Variants in WDR19 observed in about 807,000 individuals in gnomAD.
The protein encoded by WDR19 is WD repeat-containing protein 19.
WDR19 carries 121 observed loss-of-function variants against 180.0 expected under a neutral mutation model. That is an observed-to-expected ratio of 0.67 (90% CI 0.58 to 0.78). The LOEUF (loss-of-function observed/expected upper bound fraction) is 0.78. Ranked by LOEUF, WDR19 falls within the 30% of genes least tolerant of loss-of-function variation. The probability of loss-of-function intolerance (pLI) is 0.00; values close to 1 mark genes in which losing one functional copy is unlikely to be tolerated. For missense variants in WDR19, 1,450 were observed against 1,640.7 expected, an observed-to-expected ratio of 0.88 and a Z score of 2.01; for synonymous variants, 497 against 540.7, an observed-to-expected ratio of 0.92 and a Z score of 1.12.
chr4:39,257,524 TA>T lies in WDR19; in HGVS notation c.3155del (p.Asn1052MetfsTer4). 1 of 1,590,820 alleles carries T rather than the reference TA, an allele frequency of 6.3e-7. No individual in the cohort carries two copies. The highest frequency in any genetic ancestry group is 1.8e-5 in the Admixed American group (1 of 56,996). ...TCCTGAAATGCCCAAGCTCGGAAGA[TA>T]ATGTGGCAATAGAAATGGCAATTGA... is the stretch of plus-strand genomic sequence containing the variant. ...HFLKCPSSED[N>X]VAIEMAIETV... On this transcript the variant is annotated frameshift_variant, in exon 28 of 37. Coordinates refer to ENST00000399820, the MANE Select transcript of WDR19 (RefSeq NM_025132.4). LOFTEE classifies it high-confidence loss of function.
At chr4:39,234,743 T>C (rs1318296396) in intron 19 of WDR19, 23 bp from the exon 20 acceptor site, 2 of 1,507,804 alleles carry the variant, frequency 1.3e-6, no homozygotes, top group Admixed American at 3.9e-5. Flanking sequence ...CATTTGAAAT[T>C]AAGGTCTTTC....
At chr4:39,281,236 T>TATATATATATAGAGAGAGAGAG (rs762298152) in intron 36 of WDR19, among the ~76,000 whole-genome samples, 12 of 104,026 alleles carry the variant, frequency 1.2e-4, no homozygotes, top group Non-Finnish European at 1.8e-4. Context: ...TATATATATA[T>TATATATATATAGAGAGAGAGAG]AGAGAGAGAG....
intron 36 of WDR19, among the ~76,000 whole-genome samples, chr4:39,282,758 A>G (rs966536494): frequency 6.6e-6 from 1 of 152,196 alleles, no homozygotes; most frequent in African/African-American, 2.4e-5. Flanking sequence ...TTTCTAAATA[A>G]TTTGGGGAGA....
intron 1 of WDR19, 25 bp downstream of exon 1, chr4:39,182,588 G>A: frequency 6.2e-7 from 1 of 1,613,630 alleles, no homozygotes; most frequent in Non-Finnish European, 8.5e-7. Flanking sequence ...AATTCCCGGG[G>A]TGGGGCGGGA....
chr4:39,248,574 C>A (rs1214078500), intron 24 of WDR19, among the ~76,000 whole-genome samples: 1 of 152,142 alleles, frequency 6.6e-6, no homozygotes, highest in African/African-American at 2.4e-5. Flanking sequence ...GATAAAGAGT[C>A]AAGACCCATC....
chr4:39,221,612 G>A lies in WDR19; in HGVS notation c.1480-3272G>A, dbSNP rs144775723. Reference sequence around the variant, plus strand: ...GATTGCCTGAGCTCAGGAGTTTGAGGCTCAGAAATAGTGAACATACTCATC... The same window carrying A: ...GATTGCCTGAGCTCAGGAGTTTGAGACTCAGAAATAGTGAACATACTCATC... On this transcript the variant is annotated intron_variant, in intron 14 of 36. Transcript: ENST00000399820. Among the ~76,000 whole-genome samples, 52 of 152,266 alleles carry A rather than the reference G, an allele frequency of 3.4e-4. No homozygotes were observed. In the East Asian group the frequency reaches 9.1e-3, roughly 27 times the overall value.
intron 30 of WDR19, among the ~76,000 whole-genome samples, chr4:39,269,469 G>A (rs1314347347): frequency 6.6e-6 from 1 of 152,180 alleles, no homozygotes; most frequent in East Asian, 1.9e-4. Flanking sequence ...CCAGGGGGGT[G>A]CCCTGAGGAA....
At chr4:39,282,699 A>G (rs1231177412) in intron 36 of WDR19, among the ~76,000 whole-genome samples, 3 of 152,100 alleles carry the variant, frequency 2.0e-5, no homozygotes, top group Non-Finnish European at 2.9e-5. Flanking sequence ...TGCCCGGCCT[A>G]TTTTGCAGTT....
At chr4:39,250,332 A>G (rs1258460001) in intron 24 of WDR19, among the ~76,000 whole-genome samples, 2 of 152,220 alleles carry the variant, frequency 1.3e-5, no homozygotes, top group Non-Finnish European at 2.9e-5. Flanking sequence ...GCTCTCAATA[A>G]TTTAGGTATT....
intron 6 of WDR19, among the ~76,000 whole-genome samples, chr4:39,200,856 ATAT>A (rs906494476): frequency 6.6e-6 from 1 of 152,168 alleles, no homozygotes; most frequent in African/African-American, 2.4e-5. Flanking sequence ...GACATTAGTA[ATAT>A]TATAAAACAC....
chr4:39,187,090 T>G (rs1280887050), intron 3 of WDR19, among the ~76,000 whole-genome samples: 3 of 152,160 alleles, frequency 2.0e-5, no homozygotes, highest in African/African-American at 7.2e-5. Flanking sequence ...AATCACTACC[T>G]ATATTAGTTA....
chr4:39,266,334 G>T (rs1734792386), intron 29 of WDR19, among the ~76,000 whole-genome samples, 194 bp downstream of exon 29: 1 of 151,892 alleles, frequency 6.6e-6, no homozygotes, highest in African/African-American at 2.4e-5. Context: ...AATTGTCTTG[G>T]GCCACACATA....
intron 28 of WDR19, among the ~76,000 whole-genome samples, chr4:39,259,280 A>G (rs1734056022): frequency 6.6e-6 from 1 of 152,218 alleles, no homozygotes; most frequent in South Asian, 2.1e-4. Context: ...TCAAAATACT[A>G]TCCTTTCCAC....
chr4:39,189,196 T>C (rs1725895043), intron 3 of WDR19, among the ~76,000 whole-genome samples: 1 of 152,180 alleles, frequency 6.6e-6, no homozygotes. Flanking sequence ...AGTGCTGGGA[T>C]TACAGGTGTA....
chr4:39,205,539 A>G (rs1577873111), intron 8 of WDR19, 24 bp from the exon 9 acceptor site: 2 of 1,602,820 alleles, frequency 1.2e-6, no homozygotes, highest in Non-Finnish European at 1.7e-6. Flanking sequence ...CTTGTTTACC[A>G]TATTGTTGCC....
At chr4:39,197,115 T>C (rs1286937509) in intron 5 of WDR19, among the ~76,000 whole-genome samples, 1 of 152,126 alleles carries the variant, frequency 6.6e-6, no homozygotes, top group East Asian at 1.9e-4. Flanking sequence ...ATTCCCAATT[T>C]ATGGATGAAG....
intron 26 of WDR19, among the ~76,000 whole-genome samples, chr4:39,255,237 G>A (rs763126776): frequency 6.6e-6 from 1 of 152,054 alleles, no homozygotes; most frequent in Non-Finnish European, 1.5e-5. Context: ...ATTGGTGGGG[G>A]GTGTGTGGGC....
chr4:39,279,897 T>C (rs1308751762), intron 36 of WDR19, among the ~76,000 whole-genome samples: 1 of 151,930 alleles, frequency 6.6e-6, no homozygotes, highest in African/African-American at 2.4e-5. Flanking sequence ...GAGACGGGGT[T>C]TCACCATGTT....
intron 6 of WDR19, among the ~76,000 whole-genome samples, chr4:39,201,094 T>C (rs1307400663): frequency 6.6e-6 from 1 of 152,140 alleles, no homozygotes; most frequent in African/African-American, 2.4e-5. Flanking sequence ...GTTTCCTCTC[T>C]CTTTTTCTCA....
Sources: allele counts gnomAD v4.1 joint callset (sites outside exome capture counted in the v4.1 genomes callset), GRCh38; gene constraint gnomAD v4.1.1; transcripts MANE v1.5; gene names NCBI Gene and HGNC (gene_info 2026-07-23, HGNC 2026-07-21).